The following DLC1 variants were observed in gnomAD, a reference collection of about 807,000 sequenced individuals.
The protein encoded by DLC1 is DLC1 Rho GTPase activating protein, also known as rho GTPase-activating protein 7.
Under a neutral mutation model 140.3 loss-of-function variants are expected in DLC1, and 54 were observed. That is an observed-to-expected ratio of 0.38 (90% CI 0.31 to 0.48). DLC1 has a LOEUF of 0.48. DLC1 is among the 20% of genes least tolerant of loss of function. DLC1 has a pLI of 0.96. For missense variants in DLC1, 2,536 were observed against 1,907.0 expected, an observed-to-expected ratio of 1.33 and a Z score of -6.14; for synonymous variants, 986 against 728.1, an observed-to-expected ratio of 1.35 and a Z score of -5.70.
chr8:13,406,064 T>C (rs2117273891), intron 2 of DLC1, among the ~76,000 whole-genome samples: 1 of 148,320 alleles, frequency 6.7e-6, no homozygotes, highest in East Asian at 2.0e-4. Flanking sequence ...TGGAGTGCAG[T>C]GGCACAATCT....
intron 4 of DLC1, among the ~76,000 whole-genome samples, chr8:13,356,775 A>G (rs946309339): frequency 8.5e-5 from 13 of 152,154 alleles, no homozygotes; most frequent in Non-Finnish European, 2.9e-5. Context: ...AATAACAGGA[A>G]TTGGGGTCTC....
chr8:13,442,868 G>A (rs1798586435), intron 2 of DLC1, among the ~76,000 whole-genome samples: 1 of 152,106 alleles, frequency 6.6e-6, no homozygotes. Flanking sequence ...ATACCAAAAG[G>A]ATTATAAATC....
chr8:13,116,112 C>T (rs1820537852), intron 5 of DLC1: 3 of 978,054 alleles, frequency 3.1e-6, no homozygotes, highest in South Asian at 9.4e-5. Flanking sequence ...GGCTTTCTGA[C>T]ACCCAGGGGT....
At chr8:13,457,393 A>G (rs56967059) in intron 2 of DLC1, among the ~76,000 whole-genome samples, 1 of 152,228 alleles carries the variant, frequency 6.6e-6, no homozygotes, top group African/African-American at 2.4e-5. Context: ...AAGTTAGATG[A>G]TGTTGCTGGG....
chr8:13,391,579 T>G (rs1220685841), intron 4 of DLC1, among the ~76,000 whole-genome samples: 1 of 152,224 alleles, frequency 6.6e-6, no homozygotes, highest in Non-Finnish European at 1.5e-5. Context: ...GATGAGTTTA[T>G]GTTTCTCATA....
chr8:13,589,502 G>T (rs1193999555), intron 1 of DLC1, among the ~76,000 whole-genome samples: 1 of 151,996 alleles, frequency 6.6e-6, no homozygotes, highest in Non-Finnish European at 1.5e-5. Context: ...CTTGTGTTGA[G>T]TTCATTTTGC....
At chr8:13,263,865 C>T (rs911260837) in intron 5 of DLC1, among the ~76,000 whole-genome samples, 3 of 151,604 alleles carry the variant, frequency 2.0e-5, no homozygotes, top group African/African-American at 7.3e-5. Flanking sequence ...GAAATTCCAT[C>T]TTTAGATGAG....
intron 2 of DLC1, among the ~76,000 whole-genome samples, chr8:13,460,796 G>A (rs924234032): frequency 2.6e-5 from 4 of 152,234 alleles, no homozygotes; most frequent in Admixed American, 6.5e-5. Context: ...CTTAGGAATC[G>A]CAGTGCATGC....
chr8:13,088,405 A>G (rs1043263505), intron 16 of DLC1, 82 bp downstream of exon 16: 4 of 1,467,384 alleles, frequency 2.7e-6, no homozygotes, highest in African/African-American at 2.8e-5. Context: ...TAATTATACC[A>G]TCTTGTAAGA....
chr8:13,426,260 C>G (rs1216793968), intron 2 of DLC1, among the ~76,000 whole-genome samples: 3 of 152,032 alleles, frequency 2.0e-5, no homozygotes, highest in Non-Finnish European at 1.5e-5. Flanking sequence ...AATATAAACA[C>G]CTGACATCAA....
intron 5 of DLC1, among the ~76,000 whole-genome samples, chr8:13,163,751 T>G (rs115915021): frequency 0.022 from 3,270 of 148,676 alleles, 120 homozygotes; most frequent in African/African-American, 0.075. Context: ...GAGGCTGAGG[T>G]GGGAGGATAG....
chr8:13,590,747 C>G (rs371344631), intron 1 of DLC1, among the ~76,000 whole-genome samples: 3 of 152,070 alleles, frequency 2.0e-5, no homozygotes, highest in African/African-American at 7.2e-5. Context: ...TAGCTTCATG[C>G]CTAATTATGC....
upstream of DLC1, among the ~76,000 whole-genome samples, chr8:13,516,698 C>T (rs1037935414): frequency 3.9e-5 from 6 of 152,120 alleles, no homozygotes; most frequent in Non-Finnish European, 7.4e-5. Flanking sequence ...TAATCTTCAA[C>T]CATAGGCCAA....
intron 5 of DLC1, among the ~76,000 whole-genome samples, chr8:13,227,988 C>T (rs1361201752): frequency 6.6e-6 from 1 of 152,134 alleles, no homozygotes; most frequent in Non-Finnish European, 1.5e-5. Context: ...CTGTCCCACT[C>T]TGCCTCCATT....
At chr8:13,299,776 A>C (rs1413980632) in intron 5 of DLC1, among the ~76,000 whole-genome samples, 1 of 152,206 alleles carries the variant, frequency 6.6e-6, no homozygotes, top group African/African-American at 2.4e-5. Context: ...CCAGGGCCAG[A>C]GGAGAGAATT....
chr8:13,131,055 T>C (rs995188423), intron 5 of DLC1, among the ~76,000 whole-genome samples: 2 of 152,222 alleles, frequency 1.3e-5, no homozygotes, highest in Admixed American at 1.3e-4. Flanking sequence ...TGTGCACACA[T>C]CTGCTAACCA....
At chr8:13,558,251 A>G (rs957805669) in intron 1 of DLC1, 4 of 152,176 alleles carry the variant, frequency 2.6e-5, no homozygotes, top group Admixed American at 2.6e-4. Flanking sequence ...GAATGACCCA[A>G]TTTGTAAAAT....
intron 1 of DLC1, among the ~76,000 whole-genome samples, chr8:13,576,808 T>C (rs368264312): frequency 2.0e-5 from 3 of 152,188 alleles, no homozygotes; most frequent in South Asian, 4.2e-4. Flanking sequence ...GCAAGGACTG[T>C]GTGCAAGGAT....
chr8:13,373,544 T>G (rs370572887), intron 4 of DLC1, among the ~76,000 whole-genome samples: 3 of 152,338 alleles, frequency 2.0e-5, no homozygotes, highest in African/African-American at 7.2e-5. Flanking sequence ...AATATCAGAA[T>G]TTGATTCAGC....
Sources: allele counts gnomAD v4.1 joint callset (sites outside exome capture counted in the v4.1 genomes callset), GRCh38; gene constraint gnomAD v4.1.1; transcripts MANE v1.5; gene names NCBI Gene and HGNC (gene_info 2026-07-23, HGNC 2026-07-21).